Variants in STARD13 observed in about 807,000 individuals in gnomAD.
The protein encoded by STARD13 is stAR-related lipid transfer protein 13.
Under a neutral mutation model 106.4 loss-of-function variants are expected in STARD13, and 62 were observed. The observed-to-expected ratio is 0.58, with a 90% CI of 0.48 to 0.72. The LOEUF (loss-of-function observed/expected upper bound fraction) is 0.72. Ranked by LOEUF, STARD13 falls within the 30% of genes least tolerant of loss-of-function variation. STARD13 has a pLI of 0.00. For missense variants in STARD13, 1,387 were observed against 1,424.0 expected (o/e 0.97, Z 0.42); for synonymous variants, 565 against 553.0 (o/e 1.02, Z -0.31).
At chr13:33,543,311 G>A in the STARD13 span, among the ~76,000 whole-genome samples, 14 of 152,128 alleles carry the variant, frequency 9.2e-5, no homozygotes, top group African/African-American at 9.7e-5. Context: ...GGAACCCATC[G>A]AGAAGCAGAA....
rs567928770 is a variant in STARD13, at chr13:33,330,114, A to C, written c.124+20176T>G. Among the ~76,000 whole-genome samples the C allele has an allele frequency of 8.5e-5, 13 of 152,230 alleles. No homozygotes were observed. The South Asian group carries it at 2.5e-3, about 29-fold the overall frequency. On this transcript the variant is annotated intron_variant, in intron 1 of 5. Transcript: ENST00000567873. ...ATGGGAATGCAGAGAGCTCTTTACA[A>C]TCCTGTAGGACTGCTTGATCATATG...
At chr13:33,294,974 C>T (rs1359185770) in intron 1 of STARD13, among the ~76,000 whole-genome samples, 3 of 152,102 alleles carry the variant, frequency 2.0e-5, no homozygotes, top group Non-Finnish European at 2.9e-5. Flanking sequence ...TGTCTGCTGA[C>T]CTGTTGCCCT....
chr13:33,499,654 T>TCTC, the STARD13 span, among the ~76,000 whole-genome samples: 2 of 144,158 alleles, frequency 1.4e-5, no homozygotes, highest in South Asian at 2.3e-4. Flanking sequence ...TTCTCCTTCT[T>TCTC]CTTCTTCTTC....
At chr13:33,294,554 A>G (rs2138442000) in intron 1 of STARD13, among the ~76,000 whole-genome samples, 1 of 152,338 alleles carries the variant, frequency 6.6e-6, no homozygotes, top group South Asian at 2.1e-4. Flanking sequence ...GCTCATACTT[A>G]TCTCTTTAAT....
At chr13:33,531,992 G>A in the STARD13 span, among the ~76,000 whole-genome samples, 43 of 152,068 alleles carry the variant, frequency 2.8e-4, 1 homozygote, top group Admixed American at 1.5e-3. Context: ...CTGTCCCCCC[G>A]TCCCCATCTT....
intron 1 of STARD13, among the ~76,000 whole-genome samples, chr13:33,325,116 G>C (rs998817898): frequency 6.6e-6 from 1 of 152,096 alleles, no homozygotes; most frequent in African/African-American, 2.4e-5. Context: ...ACATCAAAAA[G>C]TTTGTCACAG....
the STARD13 span, among the ~76,000 whole-genome samples, chr13:33,590,794 ATG>A: frequency 1.3e-5 from 2 of 152,148 alleles, no homozygotes; most frequent in Admixed American, 6.5e-5. Context: ...AATATGGCAC[ATG>A]TATACATATG....
intron 1 of STARD13, among the ~76,000 whole-genome samples, chr13:33,234,495 TC>T (rs1209986289): frequency 1.3e-5 from 2 of 152,242 alleles, no homozygotes. Context: ...CATGGAGTTC[TC>T]ATTAGTAAAA....
chr13:33,341,319 A>G (rs2077956636), intron 1 of STARD13, among the ~76,000 whole-genome samples: 1 of 152,198 alleles, frequency 6.6e-6, no homozygotes, highest in African/African-American at 2.4e-5. Context: ...CTTACAAAAA[A>G]TCATATTCTG....
the STARD13 span, among the ~76,000 whole-genome samples, chr13:33,445,935 A>G: frequency 8.5e-5 from 13 of 152,210 alleles, no homozygotes; most frequent in African/African-American, 2.4e-4. Context: ...TTGAAATTAA[A>G]TTTCAGCATG....
chr13:33,198,335 C>A (rs1886786063), intron 1 of STARD13, among the ~76,000 whole-genome samples: 1 of 152,132 alleles, frequency 6.6e-6, no homozygotes, highest in African/African-American at 2.4e-5. Context: ...CACTGCCCAA[C>A]TCACTAGTCA....
chr13:33,401,437 C>T, the STARD13 span, among the ~76,000 whole-genome samples: 7 of 152,202 alleles, frequency 4.6e-5, no homozygotes, highest in Non-Finnish European at 1.0e-4. Flanking sequence ...AGCCTCCCAA[C>T]AGCCGCTTGT....
intron 8 of STARD13, chr13:33,117,509 G>T: frequency 1.8e-6 from 1 of 552,764 alleles, no homozygotes; most frequent in Non-Finnish European, 2.3e-6. Flanking sequence ...AATTATACAG[G>T]CTTTGCTGAG....
At chr13:33,110,963 T>C in intron 10 of STARD13, 56 bp from the exon 11 acceptor site, 3 of 1,501,042 alleles carry the variant, frequency 2.0e-6, no homozygotes, top group Non-Finnish European at 2.8e-6. Context: ...ACGCCGAGAC[T>C]CAAAGAAAGC....
At chr13:33,213,322 G>GA (rs758257932) in intron 1 of STARD13, among the ~76,000 whole-genome samples, 8 of 152,190 alleles carry the variant, frequency 5.3e-5, no homozygotes, top group Admixed American at 1.3e-4. Context: ...AGAAATGGGG[G>GA]AGAAAAAAAA....
intron 1 of STARD13, chr13:33,281,036 T>C (rs938157720): frequency 2.0e-5 from 3 of 152,208 alleles, no homozygotes; most frequent in African/African-American, 7.2e-5. Context: ...TAGGTTCTAG[T>C]ATGTTACGTT....
At chr13:33,131,723 C>T (rs1362921929) in intron 4 of STARD13, among the ~76,000 whole-genome samples, 1 of 152,180 alleles carries the variant, frequency 6.6e-6, no homozygotes, top group Non-Finnish European at 1.5e-5. Flanking sequence ...TTATTTTACT[C>T]TACCTGGGTG....
the STARD13 span, among the ~76,000 whole-genome samples, chr13:33,394,199 T>C: frequency 2.7e-5 from 4 of 150,778 alleles, no homozygotes; most frequent in African/African-American, 7.3e-5. Context: ...CCTTTTACAT[T>C]ATTATTCCTT....
chr13:33,327,343 G>C (rs753621531), intron 1 of STARD13, among the ~76,000 whole-genome samples: 12 of 151,960 alleles, frequency 7.9e-5, no homozygotes, highest in Non-Finnish European at 1.8e-4. Context: ...TATTATATTT[G>C]GTAATTTTTA....
Sources: allele counts gnomAD v4.1 joint callset (sites outside exome capture counted in the v4.1 genomes callset), GRCh38; gene constraint gnomAD v4.1.1; transcripts MANE v1.5; gene names NCBI Gene and HGNC (gene_info 2026-07-23, HGNC 2026-07-21).